AOX1: variants seen among roughly 807,000 people sequenced by gnomAD.
The protein encoded by AOX1 is aldehyde oxidase 1, also known as aldehyde oxidase.
Under a neutral mutation model 169.5 loss-of-function variants are expected in AOX1, and 153 were observed. The ratio of observed to expected loss-of-function variants is 0.90; its 90% CI spans 0.79 to 1.03. The LOEUF is 1.03. AOX1 is among the 50% of genes least tolerant of loss of function. The probability of loss-of-function intolerance (pLI) is 0.00; values close to 1 mark genes in which losing one functional copy is unlikely to be tolerated. For synonymous variants in AOX1, 562 were observed against 581.9 expected, an observed-to-expected ratio of 0.97 and a Z score of 0.49; for missense variants, 1,656 against 1,663.9, an observed-to-expected ratio of 1.00 and a Z score of 0.08.
chr2:200,659,129 A>C, intron 27 of AOX1, 36 bp from the exon 28 acceptor site: 1 of 1,608,016 alleles, frequency 6.2e-7, no homozygotes, highest in Non-Finnish European at 8.5e-7. Flanking sequence ...GTGACTAATC[A>C]AAGTGTTTAA....
At chr2:200,632,120 C>T (rs1385359900) in intron 20 of AOX1, among the ~76,000 whole-genome samples, 1 of 152,038 alleles carries the variant, frequency 6.6e-6, no homozygotes, top group Non-Finnish European at 1.5e-5. Flanking sequence ...CTTCCATTAA[C>T]ATGATCGTCA....
chr2:200,657,190 A>ATATATATATATATATAT, intron 27 of AOX1, among the ~76,000 whole-genome samples: 124 of 62,860 alleles, frequency 2.0e-3, no homozygotes, highest in Non-Finnish European at 2.7e-3. Context: ...ATATATATAT[A>ATATATATATATATATAT]TTTTTTTTTT....
intron 4 of AOX1, among the ~76,000 whole-genome samples, chr2:200,676,530 G>A (rs952165089): frequency 2.7e-5 from 4 of 150,046 alleles, no homozygotes; most frequent in Admixed American, 2.7e-4. Context: ...AACCCAGGAG[G>A]CAGAGATTGC....
intron 19 of AOX1, among the ~76,000 whole-genome samples, chr2:200,624,566 A>C (rs1030555377): frequency 2.0e-5 from 3 of 152,214 alleles, no homozygotes; most frequent in African/African-American, 7.2e-5. Context: ...ACCTTCACCC[A>C]GGCACATGGT....
chr2:200,599,776 T>A (rs756559469), intron 5 of AOX1, 30 bp downstream of exon 5: 4 of 1,411,332 alleles, frequency 2.8e-6, no homozygotes, highest in South Asian at 3.4e-5. Context: ...TTTTATTTTT[T>A]AATTTTTATT....
At chr2:200,676,302 TAAG>T (rs2036096325), downstream of AOX1, among the ~76,000 whole-genome samples, 1 of 152,080 alleles carries the variant, frequency 6.6e-6, no homozygotes, top group Non-Finnish European at 1.5e-5. Context: ...GTTGCTGCTT[TAAG>T]AAGATGGTTT....
downstream of AOX1, chr2:200,677,122 C>T (rs1445070550): frequency 2.8e-6 from 1 of 351,140 alleles, no homozygotes; most frequent in Non-Finnish European, 5.7e-6. Flanking sequence ...GTTCAGGTGA[C>T]TTGTGTGTGA....
intron 27 of AOX1, among the ~76,000 whole-genome samples, chr2:200,658,374 G>A (rs1192748431): frequency 6.6e-6 from 1 of 152,190 alleles, no homozygotes; most frequent in Non-Finnish European, 1.5e-5. Flanking sequence ...AGTCACTTGA[G>A]AATTGACTTT....
At chr2:200,630,484 C>A (rs1385193621) in intron 20 of AOX1, among the ~76,000 whole-genome samples, 1 of 148,508 alleles carries the variant, frequency 6.7e-6, no homozygotes, top group African/African-American at 2.5e-5. Flanking sequence ...GATCAGGCCA[C>A]TGTACTCCAG....
At chr2:200,620,430 A>G (rs2034862577) in intron 16 of AOX1, among the ~76,000 whole-genome samples, 2 of 151,790 alleles carry the variant, frequency 1.3e-5, no homozygotes, top group South Asian at 4.2e-4. Flanking sequence ...GCTGGTCTCG[A>G]ACTCCTGACC....
At chr2:200,637,483 G>A (rs771134178) in intron 22 of AOX1, among the ~76,000 whole-genome samples, 8 of 151,748 alleles carry the variant, frequency 5.3e-5, no homozygotes, top group Non-Finnish European at 1.0e-4. Flanking sequence ...ATGTATGTTT[G>A]TGTGTATATA....
intron 4 of AOX1, among the ~76,000 whole-genome samples, chr2:200,598,343 A>G (rs562016410): frequency 5.1e-4 from 77 of 152,294 alleles, no homozygotes; most frequent in African/African-American, 1.6e-3. Context: ...GGAGTTGTCA[A>G]TAAGTTTTTT....
chr2:200,608,704 A>G (rs2034566874), intron 10 of AOX1, among the ~76,000 whole-genome samples: 1 of 148,926 alleles, frequency 6.7e-6, no homozygotes, highest in Non-Finnish European at 1.5e-5. Flanking sequence ...CATCAACACC[A>G]CTTACATCAC....
At chr2:200,641,667 G>A (rs958311384) in intron 24 of AOX1, among the ~76,000 whole-genome samples, 1 of 151,940 alleles carries the variant, frequency 6.6e-6, no homozygotes, top group Non-Finnish European at 1.5e-5. Flanking sequence ...AGCTGGGACT[G>A]CAGGTACATG....
chr2:200,596,789 A>G (rs1437916295), intron 3 of AOX1, among the ~76,000 whole-genome samples: 6 of 152,180 alleles, frequency 3.9e-5, no homozygotes, highest in Non-Finnish European at 5.9e-5. Flanking sequence ...TTTTGCTCAT[A>G]AAGTTTCTTT....
At chr2:200,649,954 G>A (rs1253592752) in intron 25 of AOX1, among the ~76,000 whole-genome samples, 1 of 152,204 alleles carries the variant, frequency 6.6e-6, no homozygotes, top group Non-Finnish European at 1.5e-5. Context: ...GGCAGTCCTT[G>A]GACCTTCAGC....
At chr2:200,591,473 G>A (rs543115699) in intron 1 of AOX1, among the ~76,000 whole-genome samples, 2 of 152,320 alleles carry the variant, frequency 1.3e-5, no homozygotes, top group African/African-American at 4.8e-5. Context: ...GCATGCAAAT[G>A]CAGTGAAGGT....
chr2:200,624,093 C>T (rs778816447), intron 19 of AOX1, 110 bp downstream of exon 19: 3 of 1,352,012 alleles, frequency 2.2e-6, no homozygotes, highest in Non-Finnish European at 3.1e-6. Context: ...GCCTCCAAAG[C>T]ACACGGACTT....
Position 200,613,845 on chromosome 2 carries a change from T to C in AOX1, c.1490T>C (p.Ile497Thr). 1.2e-6 allele frequency: 2 copies of C among 1,612,688 alleles called. No individual in the cohort carries two copies. The highest frequency in any genetic ancestry group is 4.5e-5 in the East Asian group (2 of 44,866). Residue 497 changes from isoleucine (I) to threonine (T), a missense_variant, in exon 15 of 35, where the codon ATT (isoleucine) becomes ACT (threonine). Ile to Thr is a moderately conservative substitution (Grantham distance 89). Transcript: ENST00000374700. ...ATGCTGGATATAGCCTGCAGGCTTA[T>C]TCTGAATGAAGTCTCCCTTTTGGGC... is the stretch of plus-strand genomic sequence containing the variant. ...EQMLDIACRL[I>T]LNEVSLLGSA... is the part of the protein sequence containing the mutation.
Sources: allele counts gnomAD v4.1 joint callset (sites outside exome capture counted in the v4.1 genomes callset), GRCh38; gene constraint gnomAD v4.1.1; transcripts MANE v1.5; gene names NCBI Gene and HGNC (gene_info 2026-07-23, HGNC 2026-07-21).